The following GALNT17 variants were observed in gnomAD, a reference collection of about 807,000 sequenced individuals.
GALNT17 encodes polypeptide N-acetylgalactosaminyltransferase 17.
GALNT17 carries 29 observed loss-of-function variants against 63.7 expected under a neutral mutation model. The observed-to-expected ratio is 0.46, with a 90% confidence interval of 0.34 to 0.62. GALNT17 has a LOEUF of 0.62. GALNT17 is among the 20% of genes least tolerant of loss of function. The pLI is 0.01. For missense variants in GALNT17, 603 were observed against 799.6 expected (o/e 0.75, Z 2.97); for synonymous variants, 305 against 318.3 (o/e 0.96, Z 0.45).
At chr7:71,502,342 C>A (rs6963026) in intron 5 of GALNT17, among the ~76,000 whole-genome samples, 1 of 152,110 alleles carries the variant, frequency 6.6e-6, no homozygotes, top group Admixed American at 6.6e-5. Flanking sequence ...TCACATTCAT[C>A]GGAATTGGGA....
chr7:71,571,556 TC>T (rs1369777106), intron 6 of GALNT17, among the ~76,000 whole-genome samples, 154 bp downstream of exon 6: 1 of 152,156 alleles, frequency 6.6e-6, no homozygotes, highest in Non-Finnish European at 1.5e-5. Flanking sequence ...AGCTGCACTG[TC>T]ACCCCTCCTT....
intron 1 of GALNT17, among the ~76,000 whole-genome samples, chr7:71,245,848 G>GTTTTTTTTTTTTTGTTTTTTTTT (rs1790083560): frequency 8.1e-6 from 1 of 122,892 alleles, no homozygotes; most frequent in Non-Finnish European, 1.8e-5. Context: ...AAGAGAGCAG[G>GTTTTTTTTTTTTTGTTTTTTTTT]TTTTTTTTTT....
intron 5 of GALNT17, among the ~76,000 whole-genome samples, chr7:71,512,807 C>T (rs756787345): frequency 5.3e-5 from 8 of 152,148 alleles, no homozygotes; most frequent in African/African-American, 7.2e-5. Flanking sequence ...AAGGGGAAGG[C>T]AGTGGTGGAG....
intron 2 of GALNT17, among the ~76,000 whole-genome samples, chr7:71,358,397 A>AAAAT (rs987125400): frequency 2.0e-5 from 3 of 152,194 alleles, no homozygotes; most frequent in Admixed American, 6.5e-5. Context: ...TCTGTCTCAA[A>AAAAT]AAATAAATAA....
At chr7:71,544,484 T>C (rs964015912) in intron 5 of GALNT17, among the ~76,000 whole-genome samples, 2 of 152,004 alleles carry the variant, frequency 1.3e-5, no homozygotes, top group African/African-American at 4.8e-5. Context: ...AAGTCTGCAA[T>C]AATAGGGGTT....
chr7:71,709,909 T>C (rs893185261), intron 9 of GALNT17, among the ~76,000 whole-genome samples: 1 of 152,216 alleles, frequency 6.6e-6, no homozygotes, highest in Non-Finnish European at 1.5e-5. Context: ...TAATCTCTTT[T>C]GTAAAATGTG....
intron 1 of GALNT17, among the ~76,000 whole-genome samples, chr7:71,197,148 A>G (rs1585874119): frequency 6.6e-6 from 1 of 150,816 alleles, no homozygotes; most frequent in African/African-American, 2.4e-5. Flanking sequence ...AGTTATTTTA[A>G]AATGTGCAAC....
chr7:71,419,763 C>T (rs935335180), intron 4 of GALNT17, among the ~76,000 whole-genome samples: 2 of 152,202 alleles, frequency 1.3e-5, no homozygotes, highest in South Asian at 2.1e-4. Flanking sequence ...GGGAGAATTT[C>T]ATGAGTGGAG....
intron 1 of GALNT17, among the ~76,000 whole-genome samples, chr7:71,280,861 A>G (rs1055691043): frequency 6.6e-6 from 1 of 152,192 alleles, no homozygotes; most frequent in Admixed American, 6.5e-5. Flanking sequence ...GCTGGTCTGC[A>G]TCACATGCCC....
chr7:71,664,860 T>C lies in GALNT17; in HGVS notation c.1081-551T>C, dbSNP rs373553303. Among the ~76,000 whole-genome samples, 125 of 152,342 alleles carry C rather than the reference T, an allele frequency of 8.2e-4. 5 individuals are homozygous for C. In the South Asian group the frequency reaches 0.023, roughly 29 times the overall value. ...TTACCTAGAGGTGGATTTTATATCC[T>C]GAGCTGTTGTTTCTATAAGAATTCT... On this transcript the variant is annotated intron_variant, in intron 6 of 10. Transcript: ENST00000333538.
At chr7:71,671,955 T>C (rs551471961) in intron 8 of GALNT17, among the ~76,000 whole-genome samples, 4 of 146,566 alleles carry the variant, frequency 2.7e-5, no homozygotes, top group Admixed American at 1.4e-4. Flanking sequence ...TTGAACCCGA[T>C]AGGCAGAAGT....
At chr7:71,586,095 C>T (rs1348934675) in intron 6 of GALNT17, among the ~76,000 whole-genome samples, 1 of 107,582 alleles carries the variant, frequency 9.3e-6, no homozygotes, top group African/African-American at 3.5e-5. Context: ...TTAGTGTAGA[C>T]GAGGTGTCAC....
intron 6 of GALNT17, among the ~76,000 whole-genome samples, chr7:71,639,249 GA>G (rs1206716852): frequency 6.6e-6 from 1 of 151,598 alleles, no homozygotes; most frequent in South Asian, 2.1e-4. Flanking sequence ...ACATTTGTTT[GA>G]AAAAAAAGGA....
chr7:71,199,499 A>C lies in GALNT17; in HGVS notation c.238+66459A>C, dbSNP rs543339415. 3.3e-5 allele frequency among the ~76,000 whole-genome samples: 5 copies of C among 151,820 alleles called. No homozygotes were observed. In the East Asian group the frequency reaches 7.8e-4, roughly 24 times the overall value. Reference sequence around the variant, plus strand: ...GTCCCACTCATCCATCCACACACACATCCATCCACTAACCCCATCCATTCA... The same window carrying C: ...GTCCCACTCATCCATCCACACACACCTCCATCCACTAACCCCATCCATTCA... On this transcript the variant is annotated intron_variant, in intron 1 of 10. Transcript: ENST00000333538.
intron 1 of GALNT17, among the ~76,000 whole-genome samples, chr7:71,256,582 A>C (rs1255218514): frequency 1.8e-5 from 2 of 109,120 alleles, no homozygotes; most frequent in Non-Finnish European, 4.1e-5. Flanking sequence ...AAAAAAATAA[A>C]AACCAAAAAC....
chr7:71,348,718 A>G (rs1405239390), intron 2 of GALNT17, among the ~76,000 whole-genome samples: 3 of 152,296 alleles, frequency 2.0e-5, no homozygotes, highest in African/African-American at 7.2e-5. Context: ...CTGGCCTTTG[A>G]TAGTTTAAGT....
intron 6 of GALNT17, among the ~76,000 whole-genome samples, chr7:71,611,680 C>G (rs1281653183): frequency 1.3e-5 from 2 of 151,968 alleles, no homozygotes; most frequent in African/African-American, 4.8e-5. Flanking sequence ...GTGGCATGCA[C>G]ACATTAAACT....
chr7:71,426,163 G>T (rs1317358295), intron 5 of GALNT17, among the ~76,000 whole-genome samples: 2 of 152,166 alleles, frequency 1.3e-5, no homozygotes, highest in African/African-American at 4.8e-5. Context: ...ATGAGATTTG[G>T]GCGGGGGTGC....
At chr7:71,166,648 T>C (rs1788445852) in intron 1 of GALNT17, among the ~76,000 whole-genome samples, 3 of 152,236 alleles carry the variant, frequency 2.0e-5, no homozygotes, top group Admixed American at 6.5e-5. Flanking sequence ...CTCTGCATAA[T>C]TGCAGTGTAT....
Sources: allele counts gnomAD v4.1 joint callset (sites outside exome capture counted in the v4.1 genomes callset), GRCh38; gene constraint gnomAD v4.1.1; transcripts MANE v1.5; gene names NCBI Gene and HGNC (gene_info 2026-07-23, HGNC 2026-07-21).